DIP2B: variants seen among roughly 807,000 people sequenced by gnomAD.
DIP2B encodes disco-interacting protein 2 homolog B.
Under a neutral mutation model 198.0 loss-of-function variants are expected in DIP2B, and 76 were observed. That is an observed-to-expected ratio of 0.38 (90% CI 0.32 to 0.46). DIP2B has a LOEUF of 0.46. Ranked by LOEUF, DIP2B falls within the 20% of genes least tolerant of loss-of-function variation. The probability of loss-of-function intolerance (pLI) is 0.99; values close to 1 mark genes in which losing one functional copy is unlikely to be tolerated. For missense variants in DIP2B, 1,559 were observed against 1,978.4 expected, an observed-to-expected ratio of 0.79 and a Z score of 4.02; for synonymous variants, 701 against 739.1, an observed-to-expected ratio of 0.95 and a Z score of 0.84.
chr12:50,513,218 A>G (rs1388328711), intron 1 of DIP2B, among the ~76,000 whole-genome samples: 1 of 152,196 alleles, frequency 6.6e-6, no homozygotes, highest in East Asian at 1.9e-4. Flanking sequence ...GAAGTGATGA[A>G]TGGAATCAAT....
rs766235047 is a variant in DIP2B at position 50,671,222 on chromosome 12, G to A, written c.464G>A (p.Arg155Lys). The change falls in exon 5 of 38, where the codon AGA becomes AAA. Residue 155 changes from arginine to lysine, a missense_variant. Arg to Lys is a conservative substitution (Grantham distance 26). Transcript: ENST00000301180. ...SSASEDEGSLRRQAALSAALQ... is the reference protein window; with the variant it reads ...SSASEDEGSLKRQAALSAALQ... ...GCCTCTGAGGATGAGGGCTCTCTGA[G>A]ACGCCAAGCTGCGCTCTCTGCTGCC... 2.5e-6 allele frequency: 4 copies of A among 1,614,036 alleles called. No homozygotes were observed. The highest frequency in any genetic ancestry group is 1.3e-5 in the African/African-American group (1 of 74,916).
intron 28 of DIP2B, among the ~76,000 whole-genome samples, chr12:50,725,870 T>A (rs867524844): frequency 5.6e-4 from 85 of 151,198 alleles, no homozygotes; most frequent in Non-Finnish European, 7.4e-4. Flanking sequence ...TTTTTTTTTT[T>A]AACTCTGGAT....
At chr12:50,724,637 C>T (rs969114952) in intron 27 of DIP2B, 138 bp from the exon 28 acceptor site, 21 of 655,316 alleles carry the variant, frequency 3.2e-5, no homozygotes, top group Non-Finnish European at 4.3e-5. Context: ...TAACACTGAC[C>T]TCGTCTGTCT....
At chr12:50,660,441 G>C in intron 4 of DIP2B, 122 bp downstream of exon 4, 1 of 1,168,140 alleles carries the variant, frequency 8.6e-7, no homozygotes, top group East Asian at 2.7e-5. Context: ...AGGAATGTAA[G>C]AGAACACTCT....
intron 1 of DIP2B, among the ~76,000 whole-genome samples, chr12:50,546,330 T>A (rs1565819991): frequency 6.6e-6 from 1 of 152,214 alleles, no homozygotes; most frequent in Admixed American, 6.5e-5. Flanking sequence ...TGTGAAAAAT[T>A]CTTTTTTAAA....
At chr12:50,676,980 C>T (rs180883502) in intron 7 of DIP2B, among the ~76,000 whole-genome samples, 8 of 152,006 alleles carry the variant, frequency 5.3e-5, no homozygotes, top group Non-Finnish European at 7.4e-5. Context: ...ATGAATGTTA[C>T]GTTAGTAGAA....
intron 14 of DIP2B, among the ~76,000 whole-genome samples, chr12:50,693,878 G>A (rs2139551401): frequency 6.6e-6 from 1 of 152,294 alleles, no homozygotes; most frequent in East Asian, 1.9e-4. Flanking sequence ...GGGCAAGTTA[G>A]AGAGTGAGCA....
At chr12:50,660,908 G>A (rs1341411196) in intron 4 of DIP2B, among the ~76,000 whole-genome samples, 1 of 151,884 alleles carries the variant, frequency 6.6e-6, no homozygotes, top group Non-Finnish European at 1.5e-5. Context: ...TTTTTATAAC[G>A]GGGTCATGAG....
chr12:50,727,960 C>T, intron 29 of DIP2B, 148 bp downstream of exon 29: 2 of 630,102 alleles, frequency 3.2e-6, no homozygotes, highest in Non-Finnish European at 5.5e-6. Context: ...TAAATAAAGG[C>T]ATTGGCTCCT....
rs567013014 is a variant in DIP2B, at chr12:50,734,428, C to T, written c.4043+232C>T. 2.0e-5 allele frequency among the ~76,000 whole-genome samples: 3 copies of T among 152,226 alleles called. No homozygotes were observed. The South Asian group carries it at 6.2e-4, about 32-fold the overall frequency. On this transcript the variant is annotated intron_variant, in intron 33 of 37. Coordinates refer to ENST00000301180, the MANE Select transcript of DIP2B (RefSeq NM_173602.3). ...TAATATTAAAGTATAATAGTTATTG[C>T]CCATATAAAAGTATTTTGTGACATT...
intron 37 of DIP2B, among the ~76,000 whole-genome samples, chr12:50,742,886 ACT>A (rs1219780495): frequency 6.6e-6 from 1 of 151,360 alleles, no homozygotes; most frequent in Non-Finnish European, 1.5e-5. Flanking sequence ...ACAGAGCGAA[ACT>A]CTGTCTCAAA....
chr12:50,668,248 G>C (rs1246366256), intron 4 of DIP2B, among the ~76,000 whole-genome samples: 2 of 152,162 alleles, frequency 1.3e-5, no homozygotes, highest in Non-Finnish European at 2.9e-5. Context: ...CATAAGAATA[G>C]GGACTATGTC....
chr12:50,539,618 CAA>C (rs59642964), intron 1 of DIP2B, among the ~76,000 whole-genome samples: 5 of 132,900 alleles, frequency 3.8e-5, no homozygotes, highest in Non-Finnish European at 4.7e-5. Context: ...TACTCTGTCT[CAA>C]AAAAAAAAAA....
chr12:50,505,245 G>C lies in DIP2B; in HGVS notation c.100+5G>C. 1 of 1,504,980 alleles carries C rather than the reference G, an allele frequency of 6.6e-7. No homozygotes were observed. The highest frequency in any genetic ancestry group is 8.8e-7 in the Non-Finnish European group (1 of 1,133,488). The allele number at this position is 1,504,980 out of a possible 1,614,324, so 93.2% of individuals were successfully genotyped here. ...TGGAGCTGGAGCTCTCGGAGGGTAG[G>C]AGCCGGGCCGGGGAGAGGGCGCCCG... On this transcript the variant is annotated splice_donor_5th_base_variant and intron_variant, in intron 1 of 37. Coordinates refer to ENST00000301180, the MANE Select transcript of DIP2B (RefSeq NM_173602.3).
chr12:50,534,434 G>A (rs766849655), intron 1 of DIP2B, among the ~76,000 whole-genome samples: 2 of 140,318 alleles, frequency 1.4e-5, no homozygotes, highest in African/African-American at 5.4e-5. Flanking sequence ...GTGTAGTAGC[G>A]CAATCTCGGT....
intron 19 of DIP2B, among the ~76,000 whole-genome samples, chr12:50,702,144 T>C (rs1280036089): frequency 2.0e-5 from 3 of 151,658 alleles, no homozygotes; most frequent in Non-Finnish European, 4.4e-5. Context: ...GGTCAGGAGA[T>C]CGAGACCATC....
intron 2 of DIP2B, among the ~76,000 whole-genome samples, chr12:50,631,129 T>C (rs528950239): frequency 3.2e-4 from 48 of 152,138 alleles, no homozygotes; most frequent in African/African-American, 1.9e-4. Flanking sequence ...TCCTCCTCCT[T>C]CTTTTCTTTT....
chr12:50,577,763 C>G (rs1191289198), intron 1 of DIP2B, among the ~76,000 whole-genome samples: 5 of 151,690 alleles, frequency 3.3e-5, no homozygotes, highest in Non-Finnish European at 7.4e-5. Context: ...TAAAGAAAAT[C>G]TGTCCTCACA....
intron 1 of DIP2B, among the ~76,000 whole-genome samples, chr12:50,604,330 T>A (rs1238727921): frequency 6.6e-6 from 1 of 152,084 alleles, no homozygotes; most frequent in Non-Finnish European, 1.5e-5. Flanking sequence ...TCTTGTGAGC[T>A]AACGTTGTCA....
Sources: gnomAD v4.1 joint callset for allele counts (sites outside exome capture counted in the v4.1 genomes callset) on GRCh38, gnomAD v4.1.1 for gene constraint, MANE v1.5 for transcripts, NCBI Gene and HGNC (gene_info 2026-07-23, HGNC 2026-07-21) for gene names.